The following FBXO34 variants were observed in gnomAD, a reference collection of about 807,000 sequenced individuals.
FBXO34 encodes F-box only protein 34.
In FBXO34, 12 loss-of-function variants were observed where a neutral mutation model predicts 24.5. That is an observed-to-expected ratio of 0.49 (90% CI 0.31 to 0.79). The LOEUF is 0.79. FBXO34 is among the 30% of genes least tolerant of loss of function. FBXO34 has a pLI of 0.04. For synonymous variants in FBXO34, 320 were observed against 311.9 expected (o/e 1.03, Z -0.27); for missense variants, 823 against 857.7 (o/e 0.96, Z 0.51).
At chr14:55,413,675 G>T in the FBXO34 span, 1 of 353,024 alleles carries the variant, frequency 2.8e-6, no homozygotes, top group South Asian at 2.9e-5. Context: ...CTCTCCCTTT[G>T]ACGTCTTTTT....
In FBXO34 at chr14:55,350,741, G is replaced by A; in HGVS notation, c.351G>A (p.Lys117=). Residue 117 remains lysine, a synonymous_variant, in exon 2 of 2, where the codon AAG becomes AAA. Coordinates refer to ENST00000313833, the MANE Select transcript of FBXO34 (RefSeq NM_017943.4). ...CTGTTGTGAAACCTGGAAATACCAA[G>A]GAAAAAATTGCATTCTTTGCATCCC... is the stretch of plus-strand genomic sequence containing the variant. ...IWAVVKPGNT[K]EKIAFFASHQ... The A allele has an allele frequency of 6.2e-7, 1 of 1,608,304 alleles. No individual in the cohort carries two copies. The highest frequency in any genetic ancestry group is 1.1e-5 in the South Asian group (1 of 89,884).
At chr14:55,411,579 T>A in the FBXO34 span, 14 of 1,588,300 alleles carry the variant, frequency 8.8e-6, no homozygotes, top group Non-Finnish European at 1.2e-5. Flanking sequence ...GAAGAAACAA[T>A]AGGGCCGTGG....
chr14:55,293,963 A>C (rs7140628), intron 1 of FBXO34, among the ~76,000 whole-genome samples: 45,959 of 151,892 alleles, frequency 0.3, 7,243 homozygotes, highest in Non-Finnish European at 0.34. Context: ...TCGGGTACGC[A>C]TATGCTTTCC....
chr14:55,433,550 T>G, the FBXO34 span: 2 of 1,343,306 alleles, frequency 1.5e-6, no homozygotes, highest in South Asian at 1.2e-5. Flanking sequence ...ACTATGTGCT[T>G]TAGCACATTA....
the FBXO34 span, chr14:55,386,245 T>A: frequency 1.5e-6 from 1 of 650,570 alleles, no homozygotes; most frequent in Non-Finnish European, 2.6e-6. Context: ...GTGGAAAATT[T>A]GAGAGTTTAG....
chr14:55,432,969 G>T, the FBXO34 span, among the ~76,000 whole-genome samples: 3 of 152,092 alleles, frequency 2.0e-5, no homozygotes, highest in Non-Finnish European at 4.4e-5. Context: ...CCATTTATCT[G>T]CAATGAGGAA....
At chr14:55,372,303 G>A (rs1884837440), downstream of FBXO34, among the ~76,000 whole-genome samples, 1 of 136,984 alleles carries the variant, frequency 7.3e-6, no homozygotes. Flanking sequence ...TTTCCCATCT[G>A]CCTCCTCTTG....
the FBXO34 span, chr14:55,414,436 C>T: frequency 1.9e-6 from 3 of 1,606,906 alleles, no homozygotes; most frequent in East Asian, 6.7e-5. Flanking sequence ...CTTCATAGAT[C>T]TCAGAACGTT....
rs138727707 is a variant in FBXO34, at chr14:55,293,513, A to G, written c.-11+21976A>G. Among the ~76,000 whole-genome samples, 382 of 152,284 alleles carry G rather than the reference A, an allele frequency of 2.5e-3. 4 individuals carry two copies. The highest frequency in any genetic ancestry group is 0.015 in the East Asian group (80 of 5,180). ...TAAAGAAACTTTGTAAGGGCCTGATATCTATAATCTGAAGATAGAGACTTT... is the reference window on the plus strand; with the variant it reads ...TAAAGAAACTTTGTAAGGGCCTGATGTCTATAATCTGAAGATAGAGACTTT... On this transcript the variant is annotated intron_variant, in intron 1 of 1. Coordinates refer to ENST00000313833, the MANE Select transcript of FBXO34 (RefSeq NM_017943.4).
the FBXO34 span, chr14:55,413,870 C>T: frequency 1.8e-5 from 8 of 441,318 alleles, no homozygotes; most frequent in Admixed American, 4.9e-5. Context: ...ACACTGTAGA[C>T]TCTTCCAGCT....
At chr14:55,364,656 T>C (rs1884640056), downstream of FBXO34, among the ~76,000 whole-genome samples, 1 of 151,870 alleles carries the variant, frequency 6.6e-6, no homozygotes, top group Non-Finnish European at 1.5e-5. Flanking sequence ...TTTGAACTCC[T>C]GACCTCAGGT....
At chr14:55,296,415 T>G (rs1594733701) in intron 1 of FBXO34, among the ~76,000 whole-genome samples, 1 of 140,358 alleles carries the variant, frequency 7.1e-6, no homozygotes, top group African/African-American at 2.6e-5. Context: ...TTTTTTTTTT[T>G]GAGACAGTCT....
chr14:55,412,229 G>A, the FBXO34 span, among the ~76,000 whole-genome samples: 2 of 152,150 alleles, frequency 1.3e-5, no homozygotes, highest in African/African-American at 4.8e-5. Context: ...TAGGGTGAAG[G>A]GGCTGGGTCT....
chr14:55,331,673 A>G (rs187214679), intron 1 of FBXO34, among the ~76,000 whole-genome samples: 3,570 of 66,560 alleles, frequency 0.054, 938 homozygotes, highest in African/African-American at 0.33. Context: ...TGGTGTGTGT[A>G]TATATATATA....
chr14:55,406,360 G>A, the FBXO34 span, among the ~76,000 whole-genome samples: 1 of 152,180 alleles, frequency 6.6e-6, no homozygotes, highest in East Asian at 1.9e-4. Context: ...TGTGCTGTAA[G>A]GTTCCAGATT....
At chr14:55,363,413 A>C (rs951005340), downstream of FBXO34, among the ~76,000 whole-genome samples, 3 of 151,878 alleles carry the variant, frequency 2.0e-5, no homozygotes, top group Non-Finnish European at 2.9e-5. Flanking sequence ...CTGCAACCTC[A>C]GCCTCGCAGG....
the FBXO34 span, among the ~76,000 whole-genome samples, chr14:55,389,815 G>A: frequency 2.0e-5 from 3 of 152,198 alleles, no homozygotes; most frequent in Non-Finnish European, 2.9e-5. Flanking sequence ...GATTAGAAAC[G>A]AGTATTCTTG....
intron 1 of FBXO34, among the ~76,000 whole-genome samples, chr14:55,283,873 T>G (rs1340781849): frequency 6.6e-6 from 1 of 152,170 alleles, no homozygotes; most frequent in Non-Finnish European, 1.5e-5. Flanking sequence ...GAGTTCACAT[T>G]TTTGTTTTAT....
the FBXO34 span, among the ~76,000 whole-genome samples, chr14:55,439,548 G>A: frequency 6.6e-5 from 10 of 151,372 alleles, no homozygotes; most frequent in African/African-American, 1.5e-4. Context: ...CCAGCACTTC[G>A]GGAGGCCAAG....
Sources: allele counts gnomAD v4.1 joint callset (sites outside exome capture counted in the v4.1 genomes callset), GRCh38; gene constraint gnomAD v4.1.1; transcripts MANE v1.5; gene names NCBI Gene and HGNC (gene_info 2026-07-23, HGNC 2026-07-21).